The following FRY variants were observed in gnomAD, a reference collection of about 807,000 sequenced individuals.
FRY encodes the protein protein furry homolog.
Under a neutral mutation model 348.4 loss-of-function variants are expected in FRY, and 128 were observed. The observed-to-expected ratio is 0.37, with a 90% CI of 0.32 to 0.43. FRY has a LOEUF of 0.43. FRY is among the 20% of genes least tolerant of loss of function. FRY has a pLI of 1.00. For synonymous variants in FRY, 1,370 were observed against 1,374.7 expected (o/e 1.00, Z 0.08); for missense variants, 2,736 against 3,695.2 (o/e 0.74, Z 6.73).
chr13:32,288,335 G>A (rs1889174903), intron 58 of FRY, among the ~76,000 whole-genome samples: 1 of 152,160 alleles, frequency 6.6e-6, no homozygotes, highest in South Asian at 2.1e-4. Flanking sequence ...CATCCAGTTT[G>A]AGTTAATTAG....
chr13:32,056,789 A>G (rs1478157119), intron 1 of FRY, among the ~76,000 whole-genome samples: 2 of 152,164 alleles, frequency 1.3e-5, no homozygotes, highest in Non-Finnish European at 2.9e-5. Context: ...TAACTCTTAT[A>G]TTTACTGAAT....
rs774830338 is a variant in FRY at position 32,202,394 on chromosome 13, C to T, written c.3885C>T (p.Val1295=). The change falls in exon 31 of 61, where the codon GTC becomes GTT. Residue 1295 remains valine (V), a synonymous_variant. Transcript: ENST00000542859. ...EAKLFVYSKK[V]AEQRPGSILY... ...AGCTTTTTGTATACTCAAAGAAAGT[C>T]GCTGAGCAAAGACCGGGAAGTATTC... The T allele has an allele frequency of 5.0e-6, 8 of 1,613,940 alleles. No individual in the cohort carries two copies. Among genetic ancestry groups the T allele is most frequent in the South Asian group, 1.1e-5 (1 of 91,078 alleles).
chr13:32,244,046 T>C lies in FRY; in HGVS notation c.6692T>C (p.Leu2231Pro), dbSNP rs1451657098. The C allele has an allele frequency of 3.1e-6, 5 of 1,613,880 alleles. No homozygotes were observed. The change falls in exon 47 of 61, where the codon CTG becomes CCG. Residue 2231 changes from leucine (L) to proline (P), a missense_variant. By Grantham distance (98) the Leu-to-Pro change is moderately conservative. This residue lies in a region of FRY where 789 missense variants were observed against 996.2 expected (regional missense o/e 0.79). Transcript: ENST00000542859. ...AGCCGCACTTTGCCCCCACAGCTGC[T>C]GGAGAAGGGCCTCCCTAGTGTGCAG... ...LNMVTYLAEL[L>P]EKGLPSVQQP...
At chr13:32,161,307 G>GA (rs200483563) in intron 17 of FRY, 56 bp downstream of exon 17, 29,559 of 960,258 alleles carry the variant, frequency 0.031, 276 homozygotes, top group Non-Finnish European at 0.036. Flanking sequence ...TGTGACTCCT[G>GA]AAAAAAAAAT....
chr13:32,197,123 C>G (rs566331423), intron 29 of FRY, among the ~76,000 whole-genome samples: 1 of 151,992 alleles, frequency 6.6e-6, no homozygotes, highest in Non-Finnish European at 1.5e-5. Flanking sequence ...ACTTTTAAAA[C>G]GTGTTTAATA....
intron 33 of FRY, among the ~76,000 whole-genome samples, chr13:32,210,238 T>C (rs1884609043): frequency 6.6e-6 from 1 of 152,186 alleles, no homozygotes; most frequent in Non-Finnish European, 1.5e-5. Context: ...TTAAAAGTGA[T>C]AGGATCAACA....
At chr13:32,094,712 A>T (rs1350374335) in intron 2 of FRY, among the ~76,000 whole-genome samples, 1 of 152,186 alleles carries the variant, frequency 6.6e-6, no homozygotes, top group East Asian at 1.9e-4. Context: ...ATGGCTGAAT[A>T]GTACTTCATC....
chr13:32,058,088 A>G (rs1050616053), intron 1 of FRY, among the ~76,000 whole-genome samples: 1 of 152,246 alleles, frequency 6.6e-6, no homozygotes, highest in African/African-American at 2.4e-5. Flanking sequence ...TCATTCATTC[A>G]ATTAATATTT....
Position 32,276,483 on chromosome 13 carries a change from T to C in FRY, c.8306T>C (p.Leu2769Pro). The change falls in exon 57 of 61, where the codon CTG (leucine) becomes CCG (proline). Residue 2769 changes from leucine to proline, a missense_variant. This residue lies in a region of FRY where 789 missense variants were observed against 996.2 expected (regional missense o/e 0.79). Transcript: ENST00000542859. Reference protein sequence around the residue: ...DAETLLSCGLLDKLKFSVLEL... With the variant: ...DAETLLSCGLPDKLKFSVLEL... The stretch of plus-strand genomic sequence containing the variant: ...CTTTAGCTCCTTTCATGTGGACTTC[T>C]GGACAAGCTCAAGTTCAGTGTGTTA... 2 of 1,597,990 alleles carry C rather than the reference T, an allele frequency of 1.3e-6. No homozygotes were observed. The highest frequency in any genetic ancestry group is 1.1e-5 in the South Asian group (1 of 90,760).
At chr13:32,209,802 A>G (rs1884581126) in intron 33 of FRY, 71 bp downstream of exon 33, 1 of 1,442,246 alleles carries the variant, frequency 6.9e-7, no homozygotes, top group Non-Finnish European at 9.8e-7. Flanking sequence ...GCAAGTCAGA[A>G]TGTGCTCTTT....
chr13:32,210,828 T>C, intron 33 of FRY, 38 bp from the exon 34 acceptor site: 1 of 1,580,258 alleles, frequency 6.3e-7, no homozygotes, highest in Non-Finnish European at 8.7e-7. Context: ...TGGACTAGGC[T>C]CTGTGAAACA....
intron 3 of FRY, among the ~76,000 whole-genome samples, chr13:32,116,527 T>A (rs1205374810): frequency 6.6e-6 from 1 of 152,210 alleles, no homozygotes; most frequent in Non-Finnish European, 1.5e-5. Context: ...GGGCCGTACC[T>A]AAGAAATCCT....
At chr13:32,090,089 C>T (rs1362961332) in intron 2 of FRY, among the ~76,000 whole-genome samples, 1 of 151,728 alleles carries the variant, frequency 6.6e-6, no homozygotes. Flanking sequence ...TGGCTCATGC[C>T]TGTAATCCCA....
intron 19 of FRY, 62 bp from the exon 20 acceptor site, chr13:32,175,484 C>A (rs775981464): frequency 1.0e-6 from 1 of 953,992 alleles, no homozygotes; most frequent in Non-Finnish European, 1.7e-6. Context: ...CAGACGAAGG[C>A]GGTGGGGTGG....
chr13:32,189,002 T>C (rs2138276685), intron 28 of FRY, among the ~76,000 whole-genome samples: 1 of 152,256 alleles, frequency 6.6e-6, no homozygotes, highest in East Asian at 1.9e-4. Flanking sequence ...GGGCACAAAC[T>C]AAGTGAATTT....
chr13:32,121,748 T>C (rs1438775938), intron 4 of FRY, among the ~76,000 whole-genome samples: 1 of 152,230 alleles, frequency 6.6e-6, no homozygotes, highest in Non-Finnish European at 1.5e-5. Context: ...CTCTGCTGAC[T>C]GTTCCTTTTG....
Position 32,261,912 on chromosome 13 carries a change from A to G in FRY, c.7617+96A>G, listed in dbSNP as rs1034302514. ...CCAGTTGCAGCTAAGGAAACTTTCC[A>G]CAGCTGCTGAACTAAAATCGGAACT... On this transcript the variant is annotated intron_variant, in intron 52 of 60. Coordinates refer to ENST00000542859, the MANE Select transcript of FRY (RefSeq NM_023037.3). 182 of 1,131,198 alleles carry G rather than the reference A, an allele frequency of 1.6e-4. 3 individuals carry two copies. The South Asian group carries it at 2.1e-3, about 13-fold the overall frequency. 70.1% of individuals were successfully genotyped at this position (1,131,198 alleles called of 1,614,324 possible). A position where few individuals can be genotyped will look rare whatever the true frequency, so the allele number is the denominator to read the frequency against.
chr13:32,284,182 T>C (rs1412851487), intron 58 of FRY, among the ~76,000 whole-genome samples: 1 of 152,262 alleles, frequency 6.6e-6, no homozygotes, highest in African/African-American at 2.4e-5. Flanking sequence ...TACTTGAACA[T>C]TTGACTCTTT....
chr13:32,050,116 T>C (rs1873245994), intron 1 of FRY, among the ~76,000 whole-genome samples: 1 of 152,212 alleles, frequency 6.6e-6, no homozygotes, highest in African/African-American at 2.4e-5. Flanking sequence ...GGTCATAGAT[T>C]GGCGGAGATT....
Sources: gnomAD v4.1 joint callset for allele counts (sites outside exome capture counted in the v4.1 genomes callset) on GRCh38, gnomAD v4.1.1 for gene constraint, gnomAD v4.1.1 regional missense constraint, MANE v1.5 for transcripts, NCBI Gene and HGNC (gene_info 2026-07-23, HGNC 2026-07-21) for gene names.